NPEPL1: variants seen among roughly 807,000 people sequenced by gnomAD.
NPEPL1 encodes the protein aminopeptidase like 1.
NPEPL1 carries 45 observed loss-of-function variants against 52.4 expected under a neutral mutation model. That is an observed-to-expected ratio of 0.86 (90% CI 0.68 to 1.10). NPEPL1 has a LOEUF of 1.10. Ranked by LOEUF, NPEPL1 falls within the 50% of genes least tolerant of loss-of-function variation. The pLI, the probability that NPEPL1 is intolerant of heterozygous loss-of-function variation, is 0.00. For missense variants in NPEPL1, 696 were observed against 710.9 expected (o/e 0.98, Z 0.24); for synonymous variants, 360 against 314.7 (o/e 1.14, Z -1.52).
chr20:58,702,582 G>T (rs2123115536), intron 6 of NPEPL1, among the ~76,000 whole-genome samples: 1 of 152,198 alleles, frequency 6.6e-6, no homozygotes, highest in African/African-American at 2.4e-5. Context: ...GTCTCTTGGG[G>T]TAATAGATGG....
Position 58,692,936 on chromosome 20 carries a change from G to T in NPEPL1, c.36G>T (p.Ala12=). ...TGGGGCTGCAGTTCCAGGCGAGCGC[G>T]GGGGACTCGGACCCACAGAGCCGGC... ...ANVGLQFQAS[A]GDSDPQSRPL... is the part of the protein sequence containing the mutation. The change falls in exon 1 of 12, where the codon GCG becomes GCT. Residue 12 remains alanine (A), a synonymous_variant. Transcript: ENST00000356091. This position sits in a 1 kb window ranked among gnomAD's most constrained non-coding sequence, Gnocchi z 5.7. The T allele has an allele frequency of 1.7e-6, 2 of 1,144,112 alleles. No homozygotes were observed. Among genetic ancestry groups the T allele is most frequent in the Non-Finnish European group, 1.1e-6 (1 of 917,624 alleles). 70.9% of individuals were successfully genotyped at this position (1,144,112 alleles called of 1,614,324 possible). A position where few individuals can be genotyped will look rare whatever the true frequency, so the allele number is the denominator to read the frequency against.
In NPEPL1 at chr20:58,693,862, C is replaced by T; in HGVS notation, c.276C>T (p.Ala92=). The change falls in exon 2 of 12, where the codon GCC becomes GCT. Residue 92 remains alanine, a synonymous_variant. Transcript: ENST00000356091. ...GCCGGCACAACAGCCCCTCGGCCGCCCACTTCATCACGCGGCTGGTGCGGA... is the reference window on the plus strand; with the variant it reads ...GCCGGCACAACAGCCCCTCGGCCGCTCACTTCATCACGCGGCTGGTGCGGA... ...RVSRHNSPSA[A]HFITRLVRTC... is the part of the protein sequence containing the mutation. 1 of 1,613,582 alleles carries T rather than the reference C, an allele frequency of 6.2e-7. No individual in the cohort carries two copies. Among genetic ancestry groups the T allele is most frequent in the South Asian group, 1.1e-5 (1 of 91,074 alleles).
chr20:58,692,343 C>T (rs1568844652), upstream of NPEPL1: 1 of 155,754 alleles, frequency 6.4e-6, no homozygotes, highest in Admixed American at 6.4e-5. This position sits in a 1 kb window ranked among gnomAD's most constrained non-coding sequence, Gnocchi z 5.7. Flanking sequence ...AAGGACCTGA[C>T]TCAGGTCCAA....
intron 3 of NPEPL1, among the ~76,000 whole-genome samples, chr20:58,696,143 C>A (rs1014781385): frequency 2.0e-5 from 3 of 152,224 alleles, no homozygotes; most frequent in African/African-American, 7.2e-5. Flanking sequence ...CCCTTATTTC[C>A]GAGGACAGCA....
chr20:58,713,502 G>C lies in NPEPL1; in HGVS notation c.1084G>C (p.Ala362Pro), dbSNP rs1354012182. The C allele has an allele frequency of 6.2e-7, 1 of 1,611,358 alleles. No homozygotes were observed. The highest frequency in any genetic ancestry group is 8.5e-7 in the Non-Finnish European group (1 of 1,179,012). Residue 362 changes from alanine to proline, a missense_variant, in exon 9 of 12, where the codon GCC (alanine) becomes CCC (proline). Ala to Pro is a conservative substitution (Grantham distance 27). Transcript: ENST00000356091. This position sits in a 1 kb window ranked among gnomAD's most constrained non-coding sequence, Gnocchi z 4.6. Reference protein sequence around the residue: ...GVSYACKDLGADIILDMATLT... With the variant: ...GVSYACKDLGPDIILDMATLT... Reference sequence around the variant, plus strand: ...GTCCTATGCTTGCAAGGACCTGGGGGCCGACATCATCCTGGACATGGCCAC... The same window carrying C: ...GTCCTATGCTTGCAAGGACCTGGGGCCCGACATCATCCTGGACATGGCCAC...
At chr20:58,699,158 G>A in intron 4 of NPEPL1, 39 bp from the exon 5 acceptor site, 1 of 1,529,896 alleles carries the variant, frequency 6.5e-7, no homozygotes, top group Non-Finnish European at 8.9e-7. Flanking sequence ...CCATCTTCAT[G>A]TGTTGTTGTG....
upstream of NPEPL1, chr20:58,691,714 T>C: frequency 2.8e-6 from 2 of 722,238 alleles, no homozygotes; most frequent in Non-Finnish European, 2.2e-6. Flanking sequence ...TTTTTTTTTT[T>C]CATTTTTAGG....
At position 58,692,853 on chromosome 20, in the gene NPEPL1, G is replaced by GCAGGC; in HGVS notation, c.-47_-46insAGGCC. On this transcript the variant is annotated 5_prime_UTR_variant, in exon 1 of 12. Coordinates refer to ENST00000356091, the MANE Select transcript of NPEPL1 (RefSeq NM_024663.4). This position sits in a 1 kb window ranked among gnomAD's most constrained non-coding sequence, Gnocchi z 5.7. Reference sequence around the variant, plus strand: ...GGAGCGGGGCGAAGGGGGCCGAGCGGCGGGCCGGGCCGGGCCGGGCAGGGC... The same window carrying GCAGGC: ...GGAGCGGGGCGAAGGGGGCCGAGCGGCAGGCCGGGCCGGGCCGGGCCGGGCAGGGC... 1.0e-6 allele frequency: 1 copy of GCAGGC among 987,808 alleles called. No homozygotes were observed. Among genetic ancestry groups the GCAGGC allele is most frequent in the African/African-American group, 1.8e-5 (1 of 56,726 alleles). 61.2% of individuals were successfully genotyped at this position (987,808 alleles called of 1,614,324 possible). A position where few individuals can be genotyped will look rare whatever the true frequency, so the allele number is the denominator to read the frequency against.
chr20:58,691,693 C>CTTTTCTT, upstream of NPEPL1: 4 of 561,312 alleles, frequency 7.1e-6, no homozygotes, highest in South Asian at 4.4e-5. Flanking sequence ...TTTTTCTTTT[C>CTTTTCTT]TTTTTTTTTT....
At chr20:58,691,913 G>A, upstream of NPEPL1, 1 of 913,868 alleles carries the variant, frequency 1.1e-6, no homozygotes. Flanking sequence ...ATCTGACCCT[G>A]TGGGTGGGAC....
chr20:58,692,702 C>T, upstream of NPEPL1: 1 of 541,914 alleles, frequency 1.8e-6, no homozygotes, highest in Non-Finnish European at 2.3e-6. This position sits in a 1 kb window ranked among gnomAD's most constrained non-coding sequence, Gnocchi z 5.7. Context: ...ACCCTTCCGC[C>T]CGGCCTGGCC....
upstream of NPEPL1, among the ~76,000 whole-genome samples, chr20:58,690,807 C>T (rs1479074548): frequency 6.6e-6 from 1 of 152,132 alleles, no homozygotes; most frequent in Non-Finnish European, 1.5e-5. Context: ...CCAAAATGAC[C>T]TCTCCACCAA....
At chr20:58,693,703 A>C (rs1489924652) in intron 1 of NPEPL1, 34 bp from the exon 2 acceptor site, 1 of 1,565,494 alleles carries the variant, frequency 6.4e-7, no homozygotes, top group East Asian at 2.3e-5. Context: ...CGCTGTTTGA[A>C]GCCTCTGTGT....
intron 6 of NPEPL1, among the ~76,000 whole-genome samples, chr20:58,706,199 G>A (rs1032198343): frequency 1.3e-5 from 2 of 152,160 alleles, no homozygotes; most frequent in Non-Finnish European, 2.9e-5. Context: ...TTAGACCCAG[G>A]TTAACCAGGA....
chr20:58,715,339 G>A lies in NPEPL1; in HGVS notation c.*13G>A, dbSNP rs368572124. ...CAGGCTTGTGTGAGCCTCCTGCCTC[G>A]GCCCTGACAAACGGGGATCTTTTAC... On this transcript the variant is annotated 3_prime_UTR_variant, in exon 12 of 12. Coordinates refer to ENST00000356091, the MANE Select transcript of NPEPL1 (RefSeq NM_024663.4). The A allele has an allele frequency of 2.5e-4, 390 of 1,589,318 alleles. 2 individuals are homozygous for A. The Middle Eastern group carries it at 3.6e-3, about 15-fold the overall frequency.
chr20:58,707,123 A>G lies in NPEPL1; in HGVS notation c.823A>G (p.Thr275Ala). The part of the protein sequence containing the change: ...DTGGLSIKGK[T>A]TMPGMKRDCG... The stretch of plus-strand genomic sequence containing the variant: ...CCTGGTCCCTTTGTACCACCCGCAG[A>G]CTACCATGCCGGGGATGAAGCGAGA... The change falls in exon 7 of 12, where the codon ACT becomes GCT. Residue 275 changes from threonine to alanine, a missense_variant and splice_region_variant. Transcript: ENST00000356091. 1 of 1,551,532 alleles carries G rather than the reference A, an allele frequency of 6.4e-7. No homozygotes were observed. The highest frequency in any genetic ancestry group is 1.2e-5 in the South Asian group (1 of 84,106).
At chr20:58,714,206 C>T in intron 10 of NPEPL1, 113 bp downstream of exon 10, 1 of 1,231,570 alleles carries the variant, frequency 8.1e-7, no homozygotes, top group Admixed American at 3.0e-5. Context: ...CAGAAGCAGC[C>T]ACAGTGCAGA....
At chr20:58,710,598 C>T (rs1383394470) in intron 7 of NPEPL1, among the ~76,000 whole-genome samples, 1 of 152,222 alleles carries the variant, frequency 6.6e-6, no homozygotes, top group African/African-American at 2.4e-5. Flanking sequence ...CCTTCCCACG[C>T]TGTCGCTGAA....
In NPEPL1 at chr20:58,692,868, CCGGGCAGGGCCGGGGCGT is replaced by C; in HGVS notation, c.-32_-15del. 9.9e-7 allele frequency: 1 copy of C among 1,007,602 alleles called. No homozygotes were observed. Among genetic ancestry groups the C allele is most frequent in the Non-Finnish European group, 1.2e-6 (1 of 844,610 alleles). 62.4% of individuals were successfully genotyped at this position (1,007,602 alleles called of 1,614,324 possible). A position where few individuals can be genotyped will look rare whatever the true frequency, so the allele number is the denominator to read the frequency against. On this transcript the variant is annotated 5_prime_UTR_variant, in exon 1 of 12. Transcript: ENST00000356091. This position sits in a 1 kb window ranked among gnomAD's most constrained non-coding sequence, Gnocchi z 5.7. Reference sequence around the variant, plus strand: ...GGGCCGAGCGGCGGGCCGGGCCGGGCCGGGCAGGGCCGGGGCGTGGGCCGGCAGGAAGATGGCGAACGT... The same window carrying C: ...GGGCCGAGCGGCGGGCCGGGCCGGGCGGGCCGGCAGGAAGATGGCGAACGT...
Sources: allele counts gnomAD v4.1 joint callset (sites outside exome capture counted in the v4.1 genomes callset), GRCh38; gene constraint gnomAD v4.1.1; non-coding constraint Gnocchi (gnomAD v3.1); transcripts MANE v1.5; gene names NCBI Gene and HGNC (gene_info 2026-07-23, HGNC 2026-07-21).